Variants in GALNT17 observed in about 807,000 individuals in gnomAD.
GALNT17 encodes polypeptide N-acetylgalactosaminyltransferase 17.
GALNT17 carries 29 observed loss-of-function variants against 63.7 expected under a neutral mutation model. That is an observed-to-expected ratio of 0.46 (90% CI 0.34 to 0.62). The LOEUF (loss-of-function observed/expected upper bound fraction) is 0.62, where lower values mean the gene tolerates loss of function less well. Among genes scored for constraint, GALNT17 ranks in the 20% least tolerant of loss-of-function variants. GALNT17 has a pLI of 0.01. For missense variants in GALNT17, 603 were observed against 799.6 expected (o/e 0.75, Z 2.97); for synonymous variants, 305 against 318.3 (o/e 0.96, Z 0.45).
chr7:71,160,533 A>G (rs1788322933), intron 1 of GALNT17, among the ~76,000 whole-genome samples: 1 of 152,106 alleles, frequency 6.6e-6, no homozygotes, highest in African/African-American at 2.4e-5. Flanking sequence ...ATCTCAGCTC[A>G]CAGCAAACTC....
Position 71,705,800 on chromosome 7 carries a change from C to G in GALNT17, c.1501-4961C>G, listed in dbSNP as rs57544667. Reference sequence around the variant, plus strand: ...ACACTGAAGCCTAGGAAAGTTGAAGCCAGAACATTCTAGAGGAAGGCCAAT... The same window carrying G: ...ACACTGAAGCCTAGGAAAGTTGAAGGCAGAACATTCTAGAGGAAGGCCAAT... On this transcript the variant is annotated intron_variant, in intron 9 of 10. Transcript: ENST00000333538. 2.6e-3 allele frequency among the ~76,000 whole-genome samples: 397 copies of G among 152,204 alleles called. 3 individuals carry two copies. The highest frequency in any genetic ancestry group is 9.3e-3 in the African/African-American group (386 of 41,522).
chr7:71,190,380 T>G (rs540062480), intron 1 of GALNT17, among the ~76,000 whole-genome samples: 1 of 152,192 alleles, frequency 6.6e-6, no homozygotes, highest in South Asian at 2.1e-4. Context: ...TAAAAGTATA[T>G]GGCACCTCCC....
At chr7:71,454,352 C>G (rs1787317972) in intron 5 of GALNT17, among the ~76,000 whole-genome samples, 1 of 152,178 alleles carries the variant, frequency 6.6e-6, no homozygotes, top group Non-Finnish European at 1.5e-5. Context: ...TTTTAGTTTG[C>G]TGAGGATAAC....
At chr7:71,511,568 C>A (rs1788356321) in intron 5 of GALNT17, among the ~76,000 whole-genome samples, 1 of 152,200 alleles carries the variant, frequency 6.6e-6, no homozygotes, top group South Asian at 2.1e-4. Context: ...CCTTGTCCAG[C>A]CATTAAACTC....
At position 71,492,342 on chromosome 7, in the gene GALNT17, T is replaced by C. The variant is rs114488446; in HGVS notation, c.962+71237T>C. 1.8e-3 allele frequency among the ~76,000 whole-genome samples: 276 copies of C among 152,292 alleles called. 1 individual carries two copies. The highest frequency in any genetic ancestry group is 6.4e-3 in the African/African-American group (265 of 41,558). On this transcript the variant is annotated intron_variant, in intron 5 of 10. Coordinates refer to ENST00000333538, the MANE Select transcript of GALNT17 (RefSeq NM_022479.3). ...AATGGAGGCATGATTTGGAATAGTG[T>C]TCATGTGTTCATGCCCAGTGATCTC...
intron 3 of GALNT17, among the ~76,000 whole-genome samples, chr7:71,409,131 T>C (rs533742668): frequency 2.0e-5 from 3 of 151,688 alleles, no homozygotes; most frequent in African/African-American, 4.8e-5. Context: ...CCAAAGTCAC[T>C]TCCAAGGGGT....
intron 1 of GALNT17, among the ~76,000 whole-genome samples, chr7:71,228,238 T>C (rs957869167): frequency 6.6e-6 from 1 of 152,144 alleles, no homozygotes; most frequent in East Asian, 1.9e-4. Context: ...GGCTGGACTC[T>C]GCTAAAAGCT....
intron 5 of GALNT17, among the ~76,000 whole-genome samples, chr7:71,465,245 A>G (rs1787516022): frequency 6.6e-6 from 1 of 152,144 alleles, no homozygotes; most frequent in African/African-American, 2.4e-5. Flanking sequence ...CTCAGGGGCT[A>G]ATTTTGGGAA....
intron 1 of GALNT17, among the ~76,000 whole-genome samples, chr7:71,142,151 T>G: frequency 6.6e-6 from 1 of 152,080 alleles, no homozygotes. Flanking sequence ...ATTATAGGAA[T>G]GAGCCACTAT....
chr7:71,242,334 A>G (rs576306027), intron 1 of GALNT17, among the ~76,000 whole-genome samples: 2 of 132,980 alleles, frequency 1.5e-5, no homozygotes, highest in East Asian at 4.6e-4. Context: ...CAGTGGCGCC[A>G]TCTCAGCTCA....
intron 6 of GALNT17, among the ~76,000 whole-genome samples, chr7:71,583,346 G>A (rs567813456): frequency 1.9e-4 from 29 of 152,240 alleles, no homozygotes; most frequent in South Asian, 1.7e-3. Flanking sequence ...CGCCCACCTC[G>A]GCCTCCCGAA....
intron 5 of GALNT17, among the ~76,000 whole-genome samples, chr7:71,533,247 A>G (rs913553355): frequency 6.6e-6 from 1 of 152,202 alleles, no homozygotes; most frequent in Non-Finnish European, 1.5e-5. Context: ...GAATCCATAA[A>G]ACAAACATGA....
chr7:71,624,946 A>G (rs1790349615), intron 6 of GALNT17, among the ~76,000 whole-genome samples: 1 of 152,178 alleles, frequency 6.6e-6, no homozygotes, highest in Non-Finnish European at 1.5e-5. Context: ...TGTGTCCTCT[A>G]GGAAACTCCA....
At chr7:71,426,069 T>C (rs1786755665) in intron 5 of GALNT17, among the ~76,000 whole-genome samples, 1 of 152,148 alleles carries the variant, frequency 6.6e-6, no homozygotes, top group Non-Finnish European at 1.5e-5. Context: ...GGGATGGTGC[T>C]AATGCATTCA....
At chr7:71,688,740 A>C (rs546514446) in intron 9 of GALNT17, among the ~76,000 whole-genome samples, 1 of 152,292 alleles carries the variant, frequency 6.6e-6, no homozygotes, top group South Asian at 2.1e-4. Context: ...CCATTAAGAA[A>C]CAACTCTATA....
chr7:71,371,204 G>T (rs1347264252), intron 2 of GALNT17, among the ~76,000 whole-genome samples: 1 of 152,114 alleles, frequency 6.6e-6, no homozygotes, highest in Non-Finnish European at 1.5e-5. Context: ...GTCAAGCTTT[G>T]CAGTTCCCTT....
chr7:71,541,111 G>C (rs1206561823), intron 5 of GALNT17, among the ~76,000 whole-genome samples: 1 of 152,040 alleles, frequency 6.6e-6, no homozygotes, highest in Non-Finnish European at 1.5e-5. Context: ...GGGCGTGGTG[G>C]TGTATACCTG....
At chr7:71,164,498 A>C (rs1274883039) in intron 1 of GALNT17, among the ~76,000 whole-genome samples, 2 of 152,214 alleles carry the variant, frequency 1.3e-5, no homozygotes, top group Non-Finnish European at 2.9e-5. Flanking sequence ...TTGAGATGAG[A>C]TTTGGGTGGG....
intron 5 of GALNT17, among the ~76,000 whole-genome samples, chr7:71,430,669 A>G (rs1786845593): frequency 6.6e-6 from 1 of 152,208 alleles, no homozygotes; most frequent in Non-Finnish European, 1.5e-5. Flanking sequence ...ATTATAAGGT[A>G]TGGGTGCTGT....
Sources: gnomAD v4.1 joint callset for allele counts (sites outside exome capture counted in the v4.1 genomes callset) on GRCh38, gnomAD v4.1.1 for gene constraint, MANE v1.5 for transcripts, NCBI Gene and HGNC (gene_info 2026-07-23, HGNC 2026-07-21) for gene names.